Variants in ZFHX3 observed in about 807,000 individuals in gnomAD.
ZFHX3 encodes zinc finger homeobox 3, also known as zinc finger homeobox protein 3.
A neutral mutation model predicts 279.1 loss-of-function variants in ZFHX3; 42 were observed. The observed-to-expected ratio is 0.15, with a 90% CI of 0.12 to 0.19. The LOEUF is 0.19. ZFHX3 is among the 10% of genes least tolerant of loss of function. The probability of loss-of-function intolerance (pLI) is 1.00; values close to 1 mark genes in which losing one functional copy is unlikely to be tolerated. For missense variants in ZFHX3, 4,981 were observed against 4,754.0 expected (o/e 1.05, Z -1.40); for synonymous variants, 2,293 against 1,957.8 (o/e 1.17, Z -4.52).
rs918298364 is a variant in ZFHX3, at chr16:73,881,483, C to CG, written c.-1608+10167_-1608+10168insC. On this transcript the variant is annotated intron_variant, in intron 1 of 17. Coordinates refer to the ZFHX3 transcript ENST00000641206. ...CTCTCTCTCTCTCTCTCTCTCTGCC[C>CG]CCCCCCCCCACTCTGCCCATGGTTA... Among the ~76,000 whole-genome samples, 6 of 72,128 alleles carry CG rather than the reference C, an allele frequency of 8.3e-5. 1 individual carries two copies. Among genetic ancestry groups the CG allele is most frequent in the African/African-American group, 1.7e-4 (4 of 23,962 alleles). The allele number at this position is 72,128 out of a possible 152,430, so 47.3% of individuals were successfully genotyped here.
At chr16:72,970,697 C>T (rs1962066974) in intron 1 of ZFHX3, among the ~76,000 whole-genome samples, 1 of 152,224 alleles carries the variant, frequency 6.6e-6, no homozygotes, top group Admixed American at 6.5e-5. Context: ...CCATAACCAA[C>T]ACTTATGTGT....
chr16:73,756,012 C>T (rs1300799160), intron 1 of ZFHX3, among the ~76,000 whole-genome samples: 2 of 152,118 alleles, frequency 1.3e-5, no homozygotes, highest in African/African-American at 2.4e-5. Flanking sequence ...AGAGGCTCAC[C>T]GGCAACTAAA....
intron 8 of ZFHX3, among the ~76,000 whole-genome samples, chr16:73,066,751 G>A (rs1342260032): frequency 6.6e-6 from 1 of 152,208 alleles, no homozygotes; most frequent in Non-Finnish European, 1.5e-5. Context: ...CGCCGCCCAG[G>A]CCCCGTGCCT....
At chr16:73,187,170 A>ACACACACACACT (rs764779035) in intron 5 of ZFHX3, among the ~76,000 whole-genome samples, 10 of 151,862 alleles carry the variant, frequency 6.6e-5, no homozygotes, top group African/African-American at 2.2e-4. Flanking sequence ...ACACACACAC[A>ACACACACACACT]CACTCACTCA....
chr16:73,713,801 G>T (rs567664332), intron 1 of ZFHX3, among the ~76,000 whole-genome samples: 79 of 152,166 alleles, frequency 5.2e-4, no homozygotes, highest in African/African-American at 1.6e-3. Context: ...ATCCTGTTCA[G>T]GCTACAAACT....
chr16:73,520,089 A>G (rs1263176343), intron 2 of ZFHX3, among the ~76,000 whole-genome samples: 1 of 152,206 alleles, frequency 6.6e-6, no homozygotes, highest in African/African-American at 2.4e-5. Context: ...ATTTAATTTC[A>G]CACCAGGCAC....
intron 2 of ZFHX3, among the ~76,000 whole-genome samples, chr16:73,650,559 A>G (rs897913870): frequency 3.3e-5 from 5 of 152,214 alleles, no homozygotes; most frequent in Non-Finnish European, 7.3e-5. Flanking sequence ...TTCCTTGATT[A>G]GAAATATTCT....
intron 1 of ZFHX3, among the ~76,000 whole-genome samples, chr16:72,979,048 ACT>A (rs1962479142): frequency 6.6e-6 from 1 of 152,080 alleles, no homozygotes; most frequent in African/African-American, 2.4e-5. Context: ...GTCAGGCCAA[ACT>A]CTCACAAGCA....
At chr16:73,115,867 C>T (rs1018568142) in intron 7 of ZFHX3, among the ~76,000 whole-genome samples, 5 of 152,070 alleles carry the variant, frequency 3.3e-5, no homozygotes, top group African/African-American at 9.7e-5. Flanking sequence ...GCCTGTAATC[C>T]CAGCACTTTG....
intron 4 of ZFHX3, among the ~76,000 whole-genome samples, chr16:72,847,629 G>A (rs1413252698): frequency 6.6e-6 from 1 of 152,128 alleles, no homozygotes; most frequent in African/African-American, 2.4e-5. Flanking sequence ...AAGAAGGGGA[G>A]GGGTGGCAGG....
chr16:72,786,240 G>A lies in ZFHX3; in HGVS notation c.*924C>T, dbSNP rs1269027516. On this transcript the variant is annotated 3_prime_UTR_variant, in exon 10 of 10. Transcript: ENST00000268489. ...TACAAAAAGCTAAATGTACACAAAAGGTTTTTTTTTTTTTTTCCTTTTAAA... is the reference window on the plus strand; with the variant it reads ...TACAAAAAGCTAAATGTACACAAAAAGTTTTTTTTTTTTTTTCCTTTTAAA... 2 of 150,174 alleles carry A rather than the reference G, an allele frequency of 1.3e-5. No homozygotes were observed. The highest frequency in any genetic ancestry group is 5.0e-5 in the African/African-American group (2 of 39,986). 9.3% of individuals were successfully genotyped at this position (150,174 alleles called of 1,614,324 possible).
At chr16:73,810,721 C>T (rs889134072) in intron 1 of ZFHX3, among the ~76,000 whole-genome samples, 3 of 152,052 alleles carry the variant, frequency 2.0e-5, no homozygotes, top group Non-Finnish European at 4.4e-5. Flanking sequence ...AGAGCTTGAA[C>T]TATCAGGGAA....
intron 1 of ZFHX3, among the ~76,000 whole-genome samples, chr16:73,024,738 T>C (rs938183451): frequency 6.6e-6 from 1 of 152,168 alleles, no homozygotes; most frequent in Non-Finnish European, 1.5e-5. Flanking sequence ...GGTCTGAAAG[T>C]ATCTCAACAG....
At chr16:73,382,534 C>G (rs1224230329) in intron 3 of ZFHX3, among the ~76,000 whole-genome samples, 1 of 152,162 alleles carries the variant, frequency 6.6e-6, no homozygotes, top group Non-Finnish European at 1.5e-5. Context: ...AAAGCCCACT[C>G]AGGCTGCTGT....
intron 5 of ZFHX3, among the ~76,000 whole-genome samples, chr16:73,168,265 T>TTCTTTCTTTCTG (rs1597198434): frequency 6.6e-6 from 1 of 150,432 alleles, no homozygotes; most frequent in Non-Finnish European, 1.5e-5. Flanking sequence ...CTTTCTTTCT[T>TTCTTTCTTTCTG]TCTTTCTTTC....
intron 1 of ZFHX3, among the ~76,000 whole-genome samples, chr16:73,760,609 CAAAAA>C (rs2053853829): frequency 3.3e-5 from 5 of 152,152 alleles, no homozygotes; most frequent in Admixed American, 3.3e-4. Flanking sequence ...AGCAGCACAT[CAAAAA>C]GCTTATCCAC....
chr16:73,668,153 T>C (rs1031397740), intron 2 of ZFHX3, among the ~76,000 whole-genome samples: 2 of 152,192 alleles, frequency 1.3e-5, no homozygotes, highest in African/African-American at 2.4e-5. Flanking sequence ...CAGACTATTT[T>C]TCGGCACAAG....
At chr16:72,937,949 CAA>C (rs1252934598) in intron 3 of ZFHX3, among the ~76,000 whole-genome samples, 2 of 152,226 alleles carry the variant, frequency 1.3e-5, no homozygotes, top group Non-Finnish European at 2.9e-5. Flanking sequence ...TCAGTAAAGA[CAA>C]GAGAGTAAAT....
intron 2 of ZFHX3, among the ~76,000 whole-genome samples, chr16:73,628,930 T>C (rs2052442729): frequency 6.6e-6 from 1 of 152,076 alleles, no homozygotes; most frequent in African/African-American, 2.4e-5. Flanking sequence ...TGAATGTCTG[T>C]GCACCAGGCA....
Sources: allele counts gnomAD v4.1 joint callset (sites outside exome capture counted in the v4.1 genomes callset), GRCh38; gene constraint gnomAD v4.1.1; transcripts MANE v1.5; gene names NCBI Gene and HGNC (gene_info 2026-07-23, HGNC 2026-07-21).